The following PCSK5 variants were observed in gnomAD, a reference collection of about 807,000 sequenced individuals.
PCSK5 encodes the protein proprotein convertase subtilisin/kexin type 5.
Under a neutral mutation model 233.2 loss-of-function variants are expected in PCSK5, and 129 were observed. That is an observed-to-expected ratio of 0.55 (90% CI 0.48 to 0.64). The LOEUF is 0.64. Ranked by LOEUF, PCSK5 falls within the 30% of genes least tolerant of loss-of-function variation. The pLI, the probability that PCSK5 is intolerant of heterozygous loss-of-function variation, is 0.00. For missense variants in PCSK5, 2,076 were observed against 2,430.1 expected (o/e 0.85, Z 3.06); for synonymous variants, 825 against 879.2 (o/e 0.94, Z 1.09).
intron 24 of PCSK5, among the ~76,000 whole-genome samples, chr9:76,249,085 A>T (rs993984113): frequency 6.6e-5 from 10 of 152,340 alleles, no homozygotes; most frequent in African/African-American, 1.9e-4. Context: ...TCTTGACAAA[A>T]GTGTCTAGAT....
chr9:76,195,142 T>TC (rs948736972), intron 20 of PCSK5: 16 of 156,040 alleles, frequency 1.0e-4, no homozygotes, highest in South Asian at 7.8e-4. Context: ...TAAGCAGTCT[T>TC]CCCCTTATAA....
chr9:75,945,033 C>T (rs1457989305), intron 2 of PCSK5, among the ~76,000 whole-genome samples: 5 of 151,200 alleles, frequency 3.3e-5, no homozygotes, highest in Admixed American at 1.3e-4. Context: ...TGCTTGAACT[C>T]GGGAGGTGGA....
In PCSK5 at chr9:76,096,047, G is replaced by A. The variant is rs1831492900; in HGVS notation, c.1052G>A (p.Cys351Tyr). ...AAGAAACCTTGGTACCTGGAAGAGT[G>A]TTCATCCACGCTGGCCACAACCTAC... is the stretch of plus-strand genomic sequence containing the variant. ...SGKKPWYLEE[C>Y]SSTLATTYSS... The change falls in exon 8 of 38, where the codon TGT becomes TAT. Residue 351 changes from cysteine to tyrosine, a missense_variant. Physicochemically the swap from Cys to Tyr is radical, Grantham distance 194. Around this residue, in one of 6 missense-constraint regions of PCSK5, gnomAD observed 178 missense variants for 393.6 expected, o/e 0.45. Coordinates refer to ENST00000674117, the MANE Select transcript of PCSK5 (RefSeq NM_001372043.1). 3 of 1,614,034 alleles carry A rather than the reference G, an allele frequency of 1.9e-6. No homozygotes were observed. Among genetic ancestry groups the A allele is most frequent in the Middle Eastern group, 1.6e-4 (1 of 6,084 alleles).
At position 76,201,520 on chromosome 9, in the gene PCSK5, G is replaced by A. The variant is rs75506231; in HGVS notation, c.2626+11774G>A. On this transcript the variant is annotated intron_variant, in intron 20 of 37. Transcript: ENST00000674117. ...CAAGGAGAAATACAAGAGCCAAGGA[G>A]GATTCCATCAAAACAAGCTTCACGC... Among the ~76,000 whole-genome samples the A allele has an allele frequency of 9.6e-3, 1,465 of 152,294 alleles. 21 individuals carry two copies. Among genetic ancestry groups the A allele is most frequent in the African/African-American group, 0.032 (1,329 of 41,566 alleles).
chr9:76,353,378 C>T (rs544878647), intron 36 of PCSK5, among the ~76,000 whole-genome samples: 30 of 152,282 alleles, frequency 2.0e-4, no homozygotes, highest in African/African-American at 6.3e-4. Context: ...TATTATTCTG[C>T]GGGCAGACCA....
Position 76,158,263 on chromosome 9 carries a change from G to T in PCSK5, c.1431-720G>T, listed in dbSNP as rs112214092. Among the ~76,000 whole-genome samples the T allele has an allele frequency of 5.9e-5, 9 of 152,254 alleles. 1 individual carries two copies. Among genetic ancestry groups the T allele is most frequent in the Middle Eastern group, 3.4e-3 (1 of 294 alleles). Reference sequence around the variant, plus strand: ...TATTTTCACCTGTGGCTCGATGAAGGTCTCAGGGAGGGGAAATTTAAGCTT... The same window carrying T: ...TATTTTCACCTGTGGCTCGATGAAGTTCTCAGGGAGGGGAAATTTAAGCTT... On this transcript the variant is annotated intron_variant, in intron 11 of 37. Transcript: ENST00000674117.
chr9:75,909,620 G>A (rs1822635680), intron 1 of PCSK5, among the ~76,000 whole-genome samples: 1 of 152,108 alleles, frequency 6.6e-6, no homozygotes. Context: ...GCTTGAACCT[G>A]GGAGGCAGAG....
intron 20 of PCSK5, among the ~76,000 whole-genome samples, chr9:76,191,293 T>C (rs543657005): frequency 6.6e-6 from 1 of 152,330 alleles, no homozygotes; most frequent in South Asian, 2.1e-4. Flanking sequence ...TTTGAATGTT[T>C]CCCCTTCTGG....
chr9:75,966,555 CTT>C (rs747178185), intron 2 of PCSK5, among the ~76,000 whole-genome samples: 2 of 152,146 alleles, frequency 1.3e-5, no homozygotes, highest in Non-Finnish European at 2.9e-5. Flanking sequence ...AGGTAGATCT[CTT>C]TTAGTGGTTT....
chr9:76,339,109 CA>C (rs1303335501), intron 35 of PCSK5, among the ~76,000 whole-genome samples: 1 of 151,848 alleles, frequency 6.6e-6, no homozygotes, highest in Non-Finnish European at 1.5e-5. Flanking sequence ...ATCTTGCCCC[CA>C]CACCAGGTCA....
At chr9:75,965,339 T>C (rs1333764889) in intron 2 of PCSK5, among the ~76,000 whole-genome samples, 1 of 78,318 alleles carries the variant, frequency 1.3e-5, no homozygotes, top group Non-Finnish European at 2.7e-5. Flanking sequence ...GTGGATTCAC[T>C]TGATTACAGA....
In PCSK5 at chr9:76,095,792, C is replaced by T. The variant is rs1382211097; in HGVS notation, c.895-98C>T. Reference sequence around the variant, plus strand: ...AGCCCAGCATATTAAGATAGCAACACACCCCACCTGCACCTACTCAGTTTG... The same window carrying T: ...AGCCCAGCATATTAAGATAGCAACATACCCCACCTGCACCTACTCAGTTTG... On this transcript the variant is annotated intron_variant, in intron 7 of 37. Transcript: ENST00000674117. The T allele has an allele frequency of 3.9e-6, 4 of 1,021,734 alleles. No homozygotes were observed. In the East Asian group the frequency reaches 9.6e-5, roughly 24 times the overall value. 63.3% of individuals were successfully genotyped at this position (1,021,734 alleles called of 1,614,324 possible). A position where few individuals can be genotyped will look rare whatever the true frequency, so the allele number is the denominator to read the frequency against.
intron 25 of PCSK5, among the ~76,000 whole-genome samples, chr9:76,294,137 C>G (rs537669968): frequency 6.8e-6 from 1 of 148,100 alleles, no homozygotes; most frequent in East Asian, 2.0e-4. Flanking sequence ...GTGGAGGTGG[C>G]AGTGAGCCAA....
chr9:75,980,460 T>C (rs1408079580), intron 2 of PCSK5, among the ~76,000 whole-genome samples: 1 of 152,218 alleles, frequency 6.6e-6, no homozygotes, highest in Non-Finnish European at 1.5e-5. Flanking sequence ...TTTTCTCTGA[T>C]GGAAGCATCT....
At chr9:76,309,709 A>G (rs1828809431) in intron 29 of PCSK5, among the ~76,000 whole-genome samples, 1 of 152,030 alleles carries the variant, frequency 6.6e-6, no homozygotes, top group African/African-American at 2.4e-5. Context: ...ACATGTTTCC[A>G]TGATCATTAT....
At chr9:75,921,137 G>T (rs184357122) in intron 1 of PCSK5, among the ~76,000 whole-genome samples, 1 of 151,998 alleles carries the variant, frequency 6.6e-6, no homozygotes, top group African/African-American at 2.4e-5. Flanking sequence ...TGTTTCTGCC[G>T]AATGAAATGG....
intron 24 of PCSK5, among the ~76,000 whole-genome samples, chr9:76,259,665 T>A (rs1827102707): frequency 6.6e-6 from 1 of 152,206 alleles, no homozygotes; most frequent in Non-Finnish European, 1.5e-5. Context: ...GCTCCTTGAA[T>A]CATGCTTACC....
chr9:76,355,268 C>T (rs1002083136), intron 37 of PCSK5, among the ~76,000 whole-genome samples: 39 of 152,116 alleles, frequency 2.6e-4, no homozygotes, highest in Admixed American at 2.4e-3. Context: ...GTCAGGAGAT[C>T]GAGAACGTCC....
chr9:76,036,764 G>C (rs1405694805), intron 5 of PCSK5, among the ~76,000 whole-genome samples: 2 of 152,234 alleles, frequency 1.3e-5, no homozygotes, highest in African/African-American at 4.8e-5. Context: ...ATTTGAGCTT[G>C]TTTGTTCTCA....
Sources: gnomAD v4.1 joint callset for allele counts (sites outside exome capture counted in the v4.1 genomes callset) on GRCh38, gnomAD v4.1.1 for gene constraint, gnomAD v4.1.1 regional missense constraint, MANE v1.5 for transcripts, NCBI Gene and HGNC (gene_info 2026-07-23, HGNC 2026-07-21) for gene names.